Variants in SPATA13 observed in about 807,000 individuals in gnomAD.
SPATA13 encodes spermatogenesis-associated protein 13.
SPATA13 carries 50 observed loss-of-function variants against 104.0 expected under a neutral mutation model. The observed-to-expected ratio is 0.48, with a 90% CI of 0.38 to 0.61. The LOEUF (loss-of-function observed/expected upper bound fraction) is 0.61, where lower values mean the gene tolerates loss of function less well. Ranked by LOEUF, SPATA13 falls within the 20% of genes least tolerant of loss-of-function variation. The probability of loss-of-function intolerance (pLI) is 0.00; values close to 1 mark genes in which losing one functional copy is unlikely to be tolerated. For missense variants in SPATA13, 1,524 were observed against 1,690.6 expected, an observed-to-expected ratio of 0.90 and a Z score of 1.73; for synonymous variants, 606 against 667.5, an observed-to-expected ratio of 0.91 and a Z score of 1.42.
intron 4 of SPATA13, among the ~76,000 whole-genome samples, chr13:24,259,505 A>AG (rs1873957328): frequency 6.6e-6 from 1 of 152,242 alleles, no homozygotes; most frequent in African/African-American, 2.4e-5. Context: ...ATTATCATTC[A>AG]GGGGGTGACA....
At chr13:24,148,371 T>A (rs1882000847) in intron 3 of SPATA13, among the ~76,000 whole-genome samples, 1 of 151,722 alleles carries the variant, frequency 6.6e-6, no homozygotes, top group Admixed American at 6.6e-5. Flanking sequence ...TTTTTTATTT[T>A]TTTTTCCTGA....
In SPATA13 at chr13:24,248,512, C is replaced by G. The variant is rs544981937; in HGVS notation, c.1654-965C>G. Among the ~76,000 whole-genome samples the G allele has an allele frequency of 2.0e-5, 3 of 152,340 alleles. No individual in the cohort carries two copies. The South Asian group carries it at 6.2e-4, about 32-fold the overall frequency. On this transcript the variant is annotated intron_variant, in intron 2 of 12. Coordinates refer to ENST00000382108, the MANE Select transcript of SPATA13 (RefSeq NM_001166271.3). Reference sequence around the variant, plus strand: ...GTGATGCCTCATTTAGGATCATAGACTCTTGAGCTGTGGGATTGTCCAGTC... The same window carrying G: ...GTGATGCCTCATTTAGGATCATAGAGTCTTGAGCTGTGGGATTGTCCAGTC...
rs76911795 is a variant in SPATA13 at position 23,981,767 on chromosome 13, T to C, written c.-354+1843T>C. Among the ~76,000 whole-genome samples, 399 of 152,362 alleles carry C rather than the reference T, an allele frequency of 2.6e-3. 1 individual carries two copies. The highest frequency in any genetic ancestry group is 8.4e-3 in the African/African-American group (349 of 41,584). ...GCTCAAGATCCAAAAGCCACTGCTA[T>C]GACATATATTTTGGAACATTCGCCC... On this transcript the variant is annotated intron_variant, in intron 1 of 14. Coordinates refer to the SPATA13 transcript ENST00000424834.
intron 1 of SPATA13, among the ~76,000 whole-genome samples, chr13:24,179,391 A>G (rs928323143): frequency 6.6e-6 from 1 of 152,214 alleles, no homozygotes; most frequent in Non-Finnish European, 1.5e-5. Context: ...TTACATTTCC[A>G]TCAGCTATGT....
At chr13:24,207,943 A>C (rs1019723089) in intron 1 of SPATA13, among the ~76,000 whole-genome samples, 1 of 152,200 alleles carries the variant, frequency 6.6e-6, no homozygotes, top group African/African-American at 2.4e-5. Flanking sequence ...AATAGAGGGT[A>C]GTTGTGTTGA....
At chr13:24,019,280 G>A (rs1449617750) in intron 3 of SPATA13, among the ~76,000 whole-genome samples, 1 of 151,606 alleles carries the variant, frequency 6.6e-6, no homozygotes, top group Non-Finnish European at 1.5e-5. Context: ...AGTAGAGACG[G>A]GGTTTCACCG....
intron 2 of SPATA13, among the ~76,000 whole-genome samples, chr13:24,003,172 GGTGT>G (rs149786152): frequency 6.6e-6 from 1 of 151,020 alleles, no homozygotes; most frequent in Non-Finnish European, 1.5e-5. Flanking sequence ...TAAATGCAGG[GGTGT>G]GTGTGTGTGT....
At chr13:24,148,132 C>G (rs536595564) in intron 3 of SPATA13, among the ~76,000 whole-genome samples, 1 of 152,006 alleles carries the variant, frequency 6.6e-6, no homozygotes, top group South Asian at 2.1e-4. Context: ...ATTGTTGAAT[C>G]ATATCATTTC....
At chr13:24,157,445 C>A (rs1321239635), upstream of SPATA13, among the ~76,000 whole-genome samples, 3 of 152,142 alleles carry the variant, frequency 2.0e-5, no homozygotes, top group Non-Finnish European at 4.4e-5. Flanking sequence ...ACTACAGGCG[C>A]CCGCCACCAC....
At chr13:24,068,110 A>G (rs1383881933) in intron 3 of SPATA13, among the ~76,000 whole-genome samples, 4 of 152,198 alleles carry the variant, frequency 2.6e-5, no homozygotes, top group Non-Finnish European at 4.4e-5. Flanking sequence ...TCACCCAAGC[A>G]TTAAGCCAAG....
intron 2 of SPATA13, among the ~76,000 whole-genome samples, chr13:24,237,094 A>T (rs1420248758): frequency 6.6e-6 from 1 of 152,190 alleles, no homozygotes; most frequent in African/African-American, 2.4e-5. Flanking sequence ...CGCAGGGCTC[A>T]CGTCTGTAAT....
intron 3 of SPATA13, among the ~76,000 whole-genome samples, chr13:24,127,041 T>C (rs1370920198): frequency 6.6e-6 from 1 of 152,210 alleles, no homozygotes; most frequent in African/African-American, 2.4e-5. Context: ...TTCCGAGGTT[T>C]GTATAATGAA....
At chr13:23,986,425 G>T (rs926068279) in intron 2 of SPATA13, among the ~76,000 whole-genome samples, 2 of 152,176 alleles carry the variant, frequency 1.3e-5, no homozygotes, top group Non-Finnish European at 2.9e-5. Flanking sequence ...TTATCTGCAG[G>T]AAGAGGGTTT....
chr13:23,992,608 T>G (rs936441534), intron 2 of SPATA13, among the ~76,000 whole-genome samples: 5 of 152,148 alleles, frequency 3.3e-5, no homozygotes, highest in Non-Finnish European at 7.4e-5. Context: ...GTCCCATGTA[T>G]GATGAGGTCT....
intron 3 of SPATA13, among the ~76,000 whole-genome samples, chr13:24,024,943 T>A (rs1222083268): frequency 1.2e-4 from 4 of 32,210 alleles, no homozygotes; most frequent in African/African-American, 2.1e-4. Context: ...CATATATATA[T>A]AAATATATAT....
In SPATA13 at chr13:24,302,787, T is replaced by A. The variant is rs1418338333; in HGVS notation, c.*14T>A. 5.0e-6 allele frequency: 8 copies of A among 1,614,034 alleles called. No individual in the cohort carries two copies. The highest frequency in any genetic ancestry group is 6.8e-6 in the Non-Finnish European group (8 of 1,180,036). ...TTCCGGAAATGAAAACAGGAGGCTG[T>A]GCTTCCATGGAGCTGGGTGTCAAGA... On this transcript the variant is annotated 3_prime_UTR_variant, in exon 13 of 13. Coordinates refer to ENST00000382108, the MANE Select transcript of SPATA13 (RefSeq NM_001166271.3).
At chr13:24,058,269 C>G (rs1204600821) in intron 3 of SPATA13, among the ~76,000 whole-genome samples, 1 of 151,858 alleles carries the variant, frequency 6.6e-6, no homozygotes, top group Non-Finnish European at 1.5e-5. Context: ...ATATTGTTAT[C>G]TGGGTATCAG....
intron 3 of SPATA13, among the ~76,000 whole-genome samples, chr13:24,092,190 C>T (rs918182065): frequency 1.1e-4 from 17 of 152,318 alleles, no homozygotes; most frequent in Admixed American, 9.2e-4. Flanking sequence ...GCAATAACTT[C>T]TCCAATGTTG....
intron 1 of SPATA13, among the ~76,000 whole-genome samples, chr13:24,172,679 GCTT>G (rs1883026109): frequency 6.6e-6 from 1 of 150,960 alleles, no homozygotes; most frequent in African/African-American, 2.4e-5. Context: ...GTGTGGATCT[GCTT>G]CTGGCTTATT....
Sources: allele counts gnomAD v4.1 joint callset (sites outside exome capture counted in the v4.1 genomes callset), GRCh38; gene constraint gnomAD v4.1.1; transcripts MANE v1.5; gene names NCBI Gene and HGNC (gene_info 2026-07-23, HGNC 2026-07-21).